The following ATP6V1H variants were observed in gnomAD, a reference collection of about 807,000 sequenced individuals.
The protein encoded by ATP6V1H is V-type proton ATPase subunit H.
ATP6V1H carries 39 observed loss-of-function variants against 71.7 expected under a neutral mutation model. That is an observed-to-expected ratio of 0.54 (90% confidence interval 0.42 to 0.71). The LOEUF is 0.71. Ranked by LOEUF, ATP6V1H falls within the 30% of genes least tolerant of loss-of-function variation. The probability of loss-of-function intolerance (pLI) is 0.00; values close to 1 mark genes in which losing one functional copy is unlikely to be tolerated. For synonymous variants in ATP6V1H, 192 were observed against 199.3 expected (o/e 0.96, Z 0.31); for missense variants, 509 against 594.9 (o/e 0.86, Z 1.50).
At chr8:53,767,387 T>C (rs1808507025) in intron 11 of ATP6V1H, among the ~76,000 whole-genome samples, 4 of 152,200 alleles carry the variant, frequency 2.6e-5, no homozygotes, top group African/African-American at 4.8e-5. Context: ...TCTAAAATTG[T>C]TCTAAAAATT....
At chr8:53,840,294 G>A (rs542831427) in intron 2 of ATP6V1H, among the ~76,000 whole-genome samples, 88 of 152,040 alleles carry the variant, frequency 5.8e-4, no homozygotes, top group Non-Finnish European at 1.0e-3. Context: ...TCAGGAGTTC[G>A]AGACCAGCCT....
chr8:53,717,556 G>A (rs1243077134), intron 13 of ATP6V1H, among the ~76,000 whole-genome samples: 1 of 152,198 alleles, frequency 6.6e-6, no homozygotes, highest in East Asian at 1.9e-4. Flanking sequence ...ACATAATTTA[G>A]ACAATGGGAT....
rs778198120 is a variant in ATP6V1H, at chr8:53,727,141, T to C, written c.1392-11117A>G. ...TGGTAGACAGTCCCACCTGGTTACT[T>C]TCCCTAAGTAACCATCCCATCCTGG... is the stretch of plus-strand genomic sequence containing the variant. On this transcript the variant is annotated intron_variant, in intron 13 of 13. Transcript: ENST00000359530. Among the ~76,000 whole-genome samples, 79 of 152,304 alleles carry C rather than the reference T, an allele frequency of 5.2e-4. No individual in the cohort carries two copies. The Middle Eastern group carries it at 0.024, about 46-fold the overall frequency.
At chr8:53,804,489 A>G (rs1458227659) in intron 7 of ATP6V1H, among the ~76,000 whole-genome samples, 6 of 152,218 alleles carry the variant, frequency 3.9e-5, no homozygotes, top group Non-Finnish European at 8.8e-5. Flanking sequence ...AGCCTGGCCA[A>G]CATGGCAAAG....
chr8:53,749,101 A>G (rs1585742747), intron 12 of ATP6V1H, among the ~76,000 whole-genome samples: 2 of 152,242 alleles, frequency 1.3e-5, no homozygotes, highest in African/African-American at 2.4e-5. Flanking sequence ...GTCTAGTGAG[A>G]TAAACAGACT....
chr8:53,721,679 T>C (rs1806622684), intron 13 of ATP6V1H, among the ~76,000 whole-genome samples: 1 of 152,206 alleles, frequency 6.6e-6, no homozygotes, highest in Non-Finnish European at 1.5e-5. Context: ...AATTCATAGT[T>C]TTAACGACTA....
At chr8:53,812,883 C>T (rs1005145621) in intron 6 of ATP6V1H, among the ~76,000 whole-genome samples, 2 of 151,988 alleles carry the variant, frequency 1.3e-5, no homozygotes, top group South Asian at 2.1e-4. Flanking sequence ...TTCGTAAAGA[C>T]GGGGTTTTGC....
chr8:53,752,973 CT>C (rs1585746895), intron 12 of ATP6V1H, among the ~76,000 whole-genome samples: 2 of 151,552 alleles, frequency 1.3e-5, no homozygotes, highest in East Asian at 3.9e-4. Flanking sequence ...TATGATTAAT[CT>C]TTTAGAAAAC....
At position 53,777,951 on chromosome 8, in the gene ATP6V1H, T is replaced by C. The variant is rs368573250; in HGVS notation, c.871-5784A>G. Among the ~76,000 whole-genome samples, 8 of 152,308 alleles carry C rather than the reference T, an allele frequency of 5.3e-5. No homozygotes were observed. The East Asian group carries it at 7.7e-4, about 15-fold the overall frequency. ...CCTGGATAAATATAAAACACTGTTT[T>C]TCCCTCTTTACTTCCATAATATACA... is the stretch of plus-strand genomic sequence containing the variant. On this transcript the variant is annotated intron_variant, in intron 9 of 13. Transcript: ENST00000359530.
intron 8 of ATP6V1H, among the ~76,000 whole-genome samples, chr8:53,796,151 C>G (rs1345766511): frequency 6.6e-6 from 1 of 152,068 alleles, no homozygotes; most frequent in African/African-American, 2.4e-5. Context: ...ACAATAGAGC[C>G]AAATGTTACA....
chr8:53,764,221 A>G (rs2130288138), intron 11 of ATP6V1H, among the ~76,000 whole-genome samples: 1 of 152,334 alleles, frequency 6.6e-6, no homozygotes, highest in East Asian at 1.9e-4. Context: ...AAAAAACATC[A>G]CAAGAAAGGA....
At chr8:53,828,497 C>A (rs779624696) in intron 4 of ATP6V1H, among the ~76,000 whole-genome samples, 1 of 152,184 alleles carries the variant, frequency 6.6e-6, no homozygotes, top group Non-Finnish European at 1.5e-5. Context: ...CAGTCCCATA[C>A]AGTAACAAGA....
rs1300511514 is a variant in ATP6V1H, at chr8:53,724,707, C to T, written c.1392-8683G>A. On this transcript the variant is annotated intron_variant, in intron 13 of 13. Transcript: ENST00000359530. ...CATGTCTAGTTCTGGTCTGCCCAGC[C>T]CACCCCTGGATGTAAGATAAAAACA... Among the ~76,000 whole-genome samples the T allele has an allele frequency of 2.6e-5, 4 of 151,606 alleles. No individual in the cohort carries two copies. The East Asian group carries it at 7.7e-4, about 29-fold the overall frequency.
chr8:53,750,667 T>C (rs1232679486), intron 12 of ATP6V1H, among the ~76,000 whole-genome samples: 4 of 151,960 alleles, frequency 2.6e-5, no homozygotes, highest in Admixed American at 1.3e-4. Context: ...TTGATGGAGA[T>C]AGAGATGGGA....
At chr8:53,819,292 G>C (rs570064249) in intron 4 of ATP6V1H, among the ~76,000 whole-genome samples, 1 of 151,410 alleles carries the variant, frequency 6.6e-6, no homozygotes, top group Non-Finnish European at 1.5e-5. Context: ...AGCACTTTGG[G>C]AGGCTGAGAC....
At chr8:53,826,794 A>C (rs151293974) in intron 4 of ATP6V1H, among the ~76,000 whole-genome samples, 1 of 151,836 alleles carries the variant, frequency 6.6e-6, no homozygotes, top group Non-Finnish European at 1.5e-5. Flanking sequence ...TAAAAAAAAA[A>C]ATATAAAAAT....
At chr8:53,751,098 G>A (rs546563874) in intron 12 of ATP6V1H, among the ~76,000 whole-genome samples, 87 of 151,676 alleles carry the variant, frequency 5.7e-4, no homozygotes, top group African/African-American at 2.0e-3. Flanking sequence ...CCAAGCAGGC[G>A]AGTTTAGTCT....
chr8:53,817,318 G>C, intron 5 of ATP6V1H, 99 bp downstream of exon 5: 1 of 710,530 alleles, frequency 1.4e-6, no homozygotes, highest in Admixed American at 2.9e-5. Flanking sequence ...CAGGCGGACT[G>C]CTTGAGCCCT....
chr8:53,769,654 G>T lies in ATP6V1H; in HGVS notation c.1139C>A (p.Ala380Asp). The T allele has an allele frequency of 6.2e-7, 1 of 1,613,068 alleles. No homozygotes were observed. Among genetic ancestry groups the T allele is most frequent in the Non-Finnish European group, 8.5e-7 (1 of 1,179,338 alleles). The change falls in exon 11 of 14, where the codon GCT becomes GAT. Residue 380 changes from alanine (A) to aspartate (D), a missense_variant. By Grantham distance (126) the Ala-to-Asp change is moderately radical (BLOSUM62 -2). Coordinates refer to ENST00000359530, the MANE Select transcript of ATP6V1H (RefSeq NM_015941.4). Reference sequence around the variant, plus strand: ...ATAATTCTTCTCATTTAACCTCACAGCATTCTCTCTCCAAAATTTCTCAGA... The same window carrying T: ...ATAATTCTTCTCATTTAACCTCACATCATTCTCTCTCCAAAATTTCTCAGA... The part of the protein sequence containing the change: ...HKSEKFWREN[A>D]VRLNEKNYEL...
Sources: allele counts gnomAD v4.1 joint callset (sites outside exome capture counted in the v4.1 genomes callset), GRCh38; gene constraint gnomAD v4.1.1; transcripts MANE v1.5; gene names NCBI Gene and HGNC (gene_info 2026-07-23, HGNC 2026-07-21).